The following CARMIL1 variants were observed in gnomAD, a reference collection of about 807,000 sequenced individuals.
CARMIL1 encodes the protein F-actin-uncapping protein LRRC16A.
A neutral mutation model predicts 177.1 loss-of-function variants in CARMIL1; 90 were observed. The ratio of observed to expected loss-of-function variants is 0.51; its 90% CI spans 0.43 to 0.61. The LOEUF (loss-of-function observed/expected upper bound fraction) is 0.61, where lower values mean the gene tolerates loss of function less well. CARMIL1 is among the 20% of genes least tolerant of loss of function. CARMIL1 has a pLI of 0.00. For missense variants in CARMIL1, 1,380 were observed against 1,667.0 expected, an observed-to-expected ratio of 0.83 and a Z score of 3.00; for synonymous variants, 577 against 606.2, an observed-to-expected ratio of 0.95 and a Z score of 0.71.
Position 25,284,135 on chromosome 6 carries a change from G to T in CARMIL1, c.41-677G>T, listed in dbSNP as rs1048323401. Among the ~76,000 whole-genome samples the T allele has an allele frequency of 2.0e-5, 3 of 152,194 alleles. No homozygotes were observed. In the East Asian group the frequency reaches 5.8e-4, roughly 29 times the overall value. ...AACCCAGAGGCTGCTGGGCACCAGA[G>T]GTAACCAGCCAGGGGCAGAGGGAAT... On this transcript the variant is annotated intron_variant, in intron 1 of 36. Coordinates refer to ENST00000329474, the MANE Select transcript of CARMIL1 (RefSeq NM_017640.6).
chr6:25,522,394 G>A (rs1485947961), intron 23 of CARMIL1, among the ~76,000 whole-genome samples: 1 of 152,150 alleles, frequency 6.6e-6, no homozygotes, highest in African/African-American at 2.4e-5. Flanking sequence ...CAACTCTTTT[G>A]TTTTGACCTG....
At chr6:25,344,541 T>G (rs9461141) in intron 2 of CARMIL1, among the ~76,000 whole-genome samples, 8,833 of 152,254 alleles carry the variant, frequency 0.058, 768 homozygotes, top group African/African-American at 0.19. Context: ...CACTCTAAGC[T>G]GATCACAGAT....
chr6:25,347,552 C>T (rs903377041), intron 2 of CARMIL1, among the ~76,000 whole-genome samples: 1 of 152,198 alleles, frequency 6.6e-6, no homozygotes, highest in Admixed American at 6.5e-5. Flanking sequence ...TAAAGAAATA[C>T]TGTGAAATTA....
At chr6:25,521,049 C>CT (rs1412528732) in intron 23 of CARMIL1, among the ~76,000 whole-genome samples, 1 of 152,104 alleles carries the variant, frequency 6.6e-6, no homozygotes, top group Non-Finnish European at 1.5e-5. Flanking sequence ...CTCCTTTGTT[C>CT]TTTCTCCTTG....
chr6:25,391,668 T>C (rs1479324849), intron 2 of CARMIL1, among the ~76,000 whole-genome samples: 1 of 152,186 alleles, frequency 6.6e-6, no homozygotes, highest in African/African-American at 2.4e-5. Flanking sequence ...AATATTTAAA[T>C]TACAGATTCC....
At chr6:25,441,375 A>AT (rs1554196489) in intron 5 of CARMIL1, among the ~76,000 whole-genome samples, 16 of 69,048 alleles carry the variant, frequency 2.3e-4, no homozygotes, top group Non-Finnish European at 9.4e-5. Flanking sequence ...GTGTGTGTCT[A>AT]TGTGTGTGTG....
At chr6:25,378,050 A>C (rs1378333322) in intron 2 of CARMIL1, among the ~76,000 whole-genome samples, 1 of 152,176 alleles carries the variant, frequency 6.6e-6, no homozygotes, top group East Asian at 1.9e-4. Flanking sequence ...CTAGCTCTCC[A>C]TATGTGGGCA....
chr6:25,365,672 C>T (rs1220457414), intron 2 of CARMIL1, among the ~76,000 whole-genome samples: 1 of 152,148 alleles, frequency 6.6e-6, no homozygotes, highest in Non-Finnish European at 1.5e-5. Flanking sequence ...CCTGCCTCAA[C>T]CTCCTGAGTA....
intron 24 of CARMIL1, among the ~76,000 whole-genome samples, chr6:25,534,210 G>C: frequency 6.6e-6 from 1 of 151,688 alleles, no homozygotes; most frequent in Non-Finnish European, 1.5e-5. Flanking sequence ...TTTGTATCAG[G>C]GAAGCTGAGC....
At chr6:25,448,424 G>A (rs1463917615) in intron 5 of CARMIL1, among the ~76,000 whole-genome samples, 2 of 152,048 alleles carry the variant, frequency 1.3e-5, no homozygotes, top group Non-Finnish European at 2.9e-5. Context: ...TCTCATCTTT[G>A]GGGGTGTGCT....
rs144248238 is a variant in CARMIL1 at position 25,344,419 on chromosome 6, C to A, written c.138+59510C>A. ...GACCCCTCAGGCTTGGTCATTCTTGCTTGACTAAATCACAGTTCTGGTTAA... is the reference window on the plus strand; with the variant it reads ...GACCCCTCAGGCTTGGTCATTCTTGATTGACTAAATCACAGTTCTGGTTAA... On this transcript the variant is annotated intron_variant, in intron 2 of 36. Transcript: ENST00000329474. Among the ~76,000 whole-genome samples, 62 of 152,284 alleles carry A rather than the reference C, an allele frequency of 4.1e-4. No homozygotes were observed. In the South Asian group the frequency reaches 4.6e-3, roughly 11 times the overall value.
intron 2 of CARMIL1, among the ~76,000 whole-genome samples, chr6:25,324,580 C>T (rs1312697255): frequency 3.3e-5 from 5 of 152,082 alleles, no homozygotes; most frequent in Admixed American, 1.3e-4. Flanking sequence ...GTAACTTGTC[C>T]TTCATTTATG....
intron 16 of CARMIL1, among the ~76,000 whole-genome samples, chr6:25,495,843 T>C (rs1171499424): frequency 1.3e-5 from 2 of 152,002 alleles, no homozygotes; most frequent in African/African-American, 4.8e-5. Context: ...CCAGAAAGAG[T>C]CAAAAGTTTA....
At chr6:25,426,683 G>A in intron 4 of CARMIL1, 123 bp downstream of exon 4, 1 of 742,738 alleles carries the variant, frequency 1.3e-6, no homozygotes, top group Admixed American at 2.7e-5. Flanking sequence ...TGAAATGAGA[G>A]ACTCAACACT....
intron 12 of CARMIL1, among the ~76,000 whole-genome samples, chr6:25,484,066 C>T (rs1280745824): frequency 2.6e-5 from 4 of 152,122 alleles, no homozygotes; most frequent in Admixed American, 6.6e-5. Flanking sequence ...CTGCTTCTAT[C>T]TCACTTTCTC....
At chr6:25,405,194 C>A (rs1361615942) in intron 2 of CARMIL1, among the ~76,000 whole-genome samples, 1 of 152,204 alleles carries the variant, frequency 6.6e-6, no homozygotes, top group Non-Finnish European at 1.5e-5. Context: ...TAGCTGATCT[C>A]ATTTACCTGA....
At chr6:25,350,080 G>A (rs776504803) in intron 2 of CARMIL1, among the ~76,000 whole-genome samples, 2 of 152,152 alleles carry the variant, frequency 1.3e-5, no homozygotes, top group Non-Finnish European at 2.9e-5. Flanking sequence ...CCAGCACAGT[G>A]GCAGAAAGCC....
intron 2 of CARMIL1, among the ~76,000 whole-genome samples, chr6:25,308,445 G>A (rs1262927447): frequency 1.4e-5 from 2 of 144,772 alleles, no homozygotes; most frequent in African/African-American, 2.6e-5. Context: ...GCAGTGGCAC[G>A]ATCTCGGCTT....
chr6:25,440,488 T>A (rs1344330950), intron 5 of CARMIL1, among the ~76,000 whole-genome samples: 1 of 152,234 alleles, frequency 6.6e-6, no homozygotes, highest in Non-Finnish European at 1.5e-5. Context: ...TCGATAAGCC[T>A]AATATTTTGT....
Sources: allele counts gnomAD v4.1 joint callset (sites outside exome capture counted in the v4.1 genomes callset), GRCh38; gene constraint gnomAD v4.1.1; transcripts MANE v1.5; gene names NCBI Gene and HGNC (gene_info 2026-07-23, HGNC 2026-07-21).